The following IFITM10 variants were observed in gnomAD, a reference collection of about 807,000 sequenced individuals.
The protein encoded by IFITM10 is interferon induced transmembrane protein 10, also known as interferon-induced transmembrane protein 10.
A neutral mutation model predicts 19.0 loss-of-function variants in IFITM10; 17 were observed. The observed-to-expected ratio is 0.90, with a 90% CI of 0.61 to 1.34. IFITM10 has a LOEUF of 1.34. Ranked by LOEUF, IFITM10 falls within the 40% of genes most tolerant of loss-of-function variation. The pLI, the probability that IFITM10 is intolerant of heterozygous loss-of-function variation, is 0.00. For missense variants in IFITM10, 306 were observed against 319.8 expected (o/e 0.96, Z 0.33); for synonymous variants, 148 against 147.2 (o/e 1.01, Z -0.04).
At chr11:1,748,244 G>GCCTGCCA (rs1448559192) in intron 1 of IFITM10, 125 bp from the exon 2 acceptor site, 10 of 746,302 alleles carry the variant, frequency 1.3e-5, no homozygotes, top group Non-Finnish European at 1.7e-5. Flanking sequence ...CCAGCTGCCA[G>GCCTGCCA]CCTGCCACCT....
At position 1,750,419 on chromosome 11, in the gene IFITM10, CG is replaced by C. The variant is rs1461954687; in HGVS notation, c.23del (p.Pro8ArgfsTer121). 4 of 1,550,306 alleles carry C rather than the reference CG, an allele frequency of 2.6e-6. No individual in the cohort carries two copies. The highest frequency in any genetic ancestry group is 2.0e-5 in the Admixed American group (1 of 50,968). On this transcript the variant is annotated frameshift_variant, in exon 1 of 3. Transcript: ENST00000340134. LOFTEE classifies it high-confidence loss of function. The stretch of plus-strand genomic sequence containing the variant: ...TCCCCCGGAAGCTGAGGATGCATGG[CG>C]GCCCCCGTTTTCCCTCCCTCATCTC... Reference protein sequence around the residue: MREGKRGPPCILSFRGTL... With the variant: MREGKRGXPCILSFRGTL...
At chr11:1,742,907 A>T (rs1175783966) in intron 2 of IFITM10, among the ~76,000 whole-genome samples, 1 of 151,930 alleles carries the variant, frequency 6.6e-6, no homozygotes, top group East Asian at 1.9e-4. Context: ...GGATGGACAG[A>T]TGGAGGATGG....
In IFITM10 at chr11:1,740,551, G is replaced by A. The variant is rs193195861; in HGVS notation, c.538-5122C>T. 3.7e-3 allele frequency among the ~76,000 whole-genome samples: 564 copies of A among 152,204 alleles called. 4 individuals carry two copies. The highest frequency in any genetic ancestry group is 4.7e-3 in the Non-Finnish European group (318 of 67,998). The stretch of plus-strand genomic sequence containing the variant: ...TTTTGGGGTTTGATCAACTGAACAG[G>A]GAGTTGTAGAAGGCTGCAAAAGGAA... On this transcript the variant is annotated intron_variant, in intron 2 of 2. Transcript: ENST00000340134.
In IFITM10 at chr11:1,748,008, G is replaced by A; in HGVS notation, c.196C>T (p.Pro66Ser). The change falls in exon 2 of 3, where the codon CCG (proline) becomes TCG (serine). Residue 66 changes from proline to serine, a missense_variant. By Grantham distance (74) the Pro-to-Ser change is moderately conservative. Transcript: ENST00000340134. Reference protein sequence around the residue: ...LDGAFWIPRPPAGSPKGCFAC... With the variant: ...LDGAFWIPRPSAGSPKGCFAC... ...AAGCAGCCCTTGGGCGAACCTGCCG[G>A]GGGCCTCGGAATCCAGAAGGCCCCG... 1 of 1,438,124 alleles carries A rather than the reference G, an allele frequency of 7.0e-7. No homozygotes were observed. The highest frequency in any genetic ancestry group is 2.9e-5 in the Admixed American group (1 of 34,946). The allele number at this position is 1,438,124 out of a possible 1,614,324, so 89.1% of individuals were successfully genotyped here.
rs1851043703 is a variant in IFITM10 at position 1,732,964 on chromosome 11, A to T, written c.*2316T>A. 6.6e-6 allele frequency: 1 copy of T among 152,050 alleles called. No homozygotes were observed. The highest frequency in any genetic ancestry group is 2.1e-4 in the South Asian group (1 of 4,810). 9.4% of individuals were successfully genotyped at this position (152,050 alleles called of 1,614,324 possible). A position where few individuals can be genotyped will look rare whatever the true frequency, so the allele number is the denominator to read the frequency against. On this transcript the variant is annotated 3_prime_UTR_variant, in exon 3 of 3. Coordinates refer to ENST00000340134, the MANE Select transcript of IFITM10 (RefSeq NM_001170820.4). Reference sequence around the variant, plus strand: ...AGGCAAAGAAAGCATTTGCCCCTCTACTTTCTTCCCTCCCAGGCATAACAT... The same window carrying T: ...AGGCAAAGAAAGCATTTGCCCCTCTTCTTTCTTCCCTCCCAGGCATAACAT...
At chr11:1,747,006 C>A (rs977083255) in intron 2 of IFITM10, among the ~76,000 whole-genome samples, 2 of 152,166 alleles carry the variant, frequency 1.3e-5, no homozygotes, top group Non-Finnish European at 2.9e-5. Flanking sequence ...CCCTGCTGCT[C>A]CACCTTGCCC....
At chr11:1,745,979 T>C (rs534599596) in intron 2 of IFITM10, 39 of 142,524 alleles carry the variant, frequency 2.7e-4, no homozygotes, top group African/African-American at 1.0e-3. Flanking sequence ...CATGTGTGAT[T>C]ACACACACGT....
At chr11:1,746,269 T>TAC (rs3047256) in intron 2 of IFITM10, 106,661 of 290,688 alleles carry the variant, frequency 0.37, 22,080 homozygotes, top group African/African-American at 0.6. Flanking sequence ...CCCACGTAAT[T>TAC]ACACACATGC....
In IFITM10 at chr11:1,747,708, A is replaced by G; in HGVS notation, c.496T>C (p.Phe166Leu). ...WSIFNFVYLNFCCLGFIALAY... is the reference protein window; with the variant it reads ...WSIFNFVYLNLCCLGFIALAY... ...AAGGCGATGAAGCCCAGGCAGCAGA[A>G]GTTGAGGTAGACGAAGTTGAAGATG... Residue 166 changes from phenylalanine (F) to leucine (L), a missense_variant, in exon 2 of 3, where the codon TTC (phenylalanine) becomes CTC (leucine). By Grantham distance (22) the Phe-to-Leu change is conservative. Coordinates refer to ENST00000340134, the MANE Select transcript of IFITM10 (RefSeq NM_001170820.4). The G allele has an allele frequency of 6.4e-7, 1 of 1,551,810 alleles. No homozygotes were observed. The highest frequency in any genetic ancestry group is 8.7e-7 in the Non-Finnish European group (1 of 1,147,000).
chr11:1,748,943 T>G, intron 1 of IFITM10: 6 of 668,194 alleles, frequency 9.0e-6, no homozygotes, highest in Non-Finnish European at 1.1e-5. Flanking sequence ...CGCCGGGGGG[T>G]CTGCGGCCGA....
chr11:1,746,849 G>T, intron 2 of IFITM10: 1 of 398,536 alleles, frequency 2.5e-6, no homozygotes, highest in East Asian at 3.6e-5. Context: ...CCTTCCTTCC[G>T]GTGCGTCGGG....
At chr11:1,747,588 G>T in intron 2 of IFITM10, 79 bp downstream of exon 2, 1 of 1,288,266 alleles carries the variant, frequency 7.8e-7, no homozygotes, top group South Asian at 1.3e-5. Flanking sequence ...GAGAGGGGCC[G>T]AGCGCCCACA....
In IFITM10 at chr11:1,733,851, GCTCAGCTCCCTC is replaced by G. The variant is rs1395735597; in HGVS notation, c.*1417_*1428del. The G allele has an allele frequency of 6.5e-6, 1 of 153,064 alleles. No individual in the cohort carries two copies. Among genetic ancestry groups the G allele is most frequent in the Non-Finnish European group, 1.5e-5 (1 of 68,904 alleles). The allele number at this position is 153,064 out of a possible 1,614,324, so 9.5% of individuals were successfully genotyped here. A position where few individuals can be genotyped will look rare whatever the true frequency, so the allele number is the denominator to read the frequency against. ...CCCTCTGCTGCCAGCCCCAGCCCAGGCTCAGCTCCCTCCACTTGCATCCACCTCTGTCCACTG... is the reference window on the plus strand; with the variant it reads ...CCCTCTGCTGCCAGCCCCAGCCCAGGCACTTGCATCCACCTCTGTCCACTG... On this transcript the variant is annotated 3_prime_UTR_variant, in exon 3 of 3. Coordinates refer to ENST00000340134, the MANE Select transcript of IFITM10 (RefSeq NM_001170820.4). This position sits in a 1 kb window ranked among gnomAD's most constrained non-coding sequence, Gnocchi z 6.3.
rs376974192 is a variant in IFITM10, at chr11:1,737,571, T to A, written c.538-2142A>T. On this transcript the variant is annotated intron_variant, in intron 2 of 2. Coordinates refer to ENST00000340134, the MANE Select transcript of IFITM10 (RefSeq NM_001170820.4). ...GCCTCCCAGGGTTGTGGGAAAGGCT[T>A]AATGAATTGATGGATGTGAAACTCC... is the stretch of plus-strand genomic sequence containing the variant. Among the ~76,000 whole-genome samples the A allele has an allele frequency of 2.3e-4, 35 of 152,276 alleles. No individual in the cohort carries two copies. The East Asian group carries it at 5.6e-3, about 24-fold the overall frequency.
At chr11:1,739,444 CT>C (rs1851122123) in intron 2 of IFITM10, among the ~76,000 whole-genome samples, 1 of 152,182 alleles carries the variant, frequency 6.6e-6, no homozygotes, top group Non-Finnish European at 1.5e-5. Context: ...TGAGTAGTTG[CT>C]GTTCTAGGTC....
chr11:1,735,415 C>G lies in IFITM10; in HGVS notation c.552G>C (p.Lys184Asn), dbSNP rs1289451444. The G allele has an allele frequency of 1.9e-6, 3 of 1,551,298 alleles. No individual in the cohort carries two copies. Among genetic ancestry groups the G allele is most frequent in the Non-Finnish European group, 2.6e-6 (3 of 1,146,760 alleles). ...LAYSLKVRDKKLLNDLNGAVE... is the reference protein window; with the variant it reads ...LAYSLKVRDKNLLNDLNGAVE... The stretch of plus-strand genomic sequence containing the variant: ...CGGCTCCATTCAGGTCATTGAGAAG[C>G]TTCTTGTCTCGCACCTGAAGCCGGG... The change falls in exon 3 of 3, where the codon AAG becomes AAC. Residue 184 changes from lysine to asparagine, a missense_variant. Physicochemically the swap from Lys to Asn is moderately conservative, Grantham distance 94. Coordinates refer to ENST00000340134, the MANE Select transcript of IFITM10 (RefSeq NM_001170820.4).
chr11:1,739,311 A>G (rs919040701), intron 2 of IFITM10, among the ~76,000 whole-genome samples: 7 of 152,300 alleles, frequency 4.6e-5, no homozygotes, highest in Admixed American at 3.9e-4. Context: ...TTGGATGGCT[A>G]AGATTGGTGG....
intron 2 of IFITM10, chr11:1,744,913 C>G (rs935065716): frequency 6.6e-6 from 1 of 152,262 alleles, no homozygotes; most frequent in African/African-American, 2.4e-5. Flanking sequence ...GGTCAGGAGA[C>G]CTGCAGCTGG....
chr11:1,740,298 T>TCAAAAA (rs1845547648), intron 2 of IFITM10, among the ~76,000 whole-genome samples: 1 of 39,130 alleles, frequency 2.6e-5, no homozygotes, highest in African/African-American at 2.0e-4. Flanking sequence ...AGACTCCATC[T>TCAAAAA]CAAAAAAAAA....
Sources: gnomAD v4.1 joint callset for allele counts (sites outside exome capture counted in the v4.1 genomes callset) on GRCh38, gnomAD v4.1.1 for gene constraint, Gnocchi (gnomAD v3.1) non-coding constraint, MANE v1.5 for transcripts, NCBI Gene and HGNC (gene_info 2026-07-23, HGNC 2026-07-21) for gene names.